The following SNF8 variants were observed in gnomAD, a reference collection of about 807,000 sequenced individuals.
The protein encoded by SNF8 is SNF8 subunit of ESCRT-II.
A neutral mutation model predicts 36.8 loss-of-function variants in SNF8; 19 were observed. That is an observed-to-expected ratio of 0.52 (90% CI 0.36 to 0.76). SNF8 has a LOEUF of 0.76. SNF8 is among the 30% of genes least tolerant of loss of function. The probability of loss-of-function intolerance (pLI) is 0.00; values close to 1 mark genes in which losing one functional copy is unlikely to be tolerated. For synonymous variants in SNF8, 127 were observed against 127.4 expected (o/e 1.00, Z 0.02); for missense variants, 268 against 322.9 (o/e 0.83, Z 1.30).
intron 2 of SNF8, among the ~76,000 whole-genome samples, chr17:48,941,985 A>G (rs898565991): frequency 6.6e-6 from 1 of 151,922 alleles, no homozygotes; most frequent in East Asian, 1.9e-4. Flanking sequence ...GCCACCGCAC[A>G]GGGCCAATCA....
intron 3 of SNF8, 56 bp downstream of exon 3, chr17:48,940,868 C>A: frequency 6.3e-7 from 1 of 1,582,960 alleles, no homozygotes. Context: ...ACTATGTGAG[C>A]TTCTGTTCCT....
At chr17:48,937,746 T>C (rs1403277691) in intron 3 of SNF8, among the ~76,000 whole-genome samples, 1 of 151,014 alleles carries the variant, frequency 6.6e-6, no homozygotes. Flanking sequence ...GCCAATACAG[T>C]GAAACCCTGT....
intron 7 of SNF8, 60 bp from the exon 8 acceptor site, chr17:48,930,672 A>G: frequency 6.5e-7 from 1 of 1,547,002 alleles, no homozygotes; most frequent in Non-Finnish European, 8.8e-7. Context: ...GACAAAGGGT[A>G]GGTAAGCAAC....
At position 48,940,994 on chromosome 17, in the gene SNF8, G is replaced by A. The variant is rs753204401; in HGVS notation, c.174C>T (p.Ile58=). The A allele has an allele frequency of 4.3e-6, 7 of 1,613,604 alleles. No homozygotes were observed. The highest frequency in any genetic ancestry group is 5.9e-6 in the Non-Finnish European group (7 of 1,180,018). ...EEFASKHKQE[I]RKNPEFRVQF... is the part of the protein sequence containing the mutation. Reference sequence around the variant, plus strand: ...GCACACGGAACTCAGGATTCTTCCGGATCTCCTGCTTGTGTTTGCTGGCAA... The same window carrying A: ...GCACACGGAACTCAGGATTCTTCCGAATCTCCTGCTTGTGTTTGCTGGCAA... Residue 58 remains isoleucine, a synonymous_variant, in exon 3 of 8, where the codon ATC becomes ATT. Coordinates refer to ENST00000502492, the MANE Select transcript of SNF8 (RefSeq NM_007241.4).
chr17:48,944,155 A>T lies in SNF8; in HGVS notation c.55-180T>A, dbSNP rs2041070689. 5 of 539,742 alleles carry T rather than the reference A, an allele frequency of 9.3e-6. No individual in the cohort carries two copies. The East Asian group carries it at 1.8e-4, about 19-fold the overall frequency. 33.4% of individuals were successfully genotyped at this position (539,742 alleles called of 1,614,324 possible). A position where few individuals can be genotyped will look rare whatever the true frequency, so the allele number is the denominator to read the frequency against. ...GTCTCTACTAAAAATACAAAAAAAT[A>T]GCCGGACGTGGTGGTGGGCGCCTGT... On this transcript the variant is annotated intron_variant, in intron 1 of 7. Coordinates refer to ENST00000502492, the MANE Select transcript of SNF8 (RefSeq NM_007241.4).
intron 3 of SNF8, among the ~76,000 whole-genome samples, chr17:48,939,276 A>AAC (rs1259104909): frequency 6.6e-6 from 1 of 150,986 alleles, no homozygotes; most frequent in African/African-American, 2.4e-5. Flanking sequence ...AGAAAAAAAA[A>AAC]AAAAAAAACA....
chr17:48,944,180 T>C, intron 1 of SNF8: 1 of 501,758 alleles, frequency 2.0e-6, no homozygotes, highest in South Asian at 2.0e-5. Context: ...TGGGCGCCTG[T>C]AGTCCCAGCT....
chr17:48,937,065 C>T lies in SNF8; in HGVS notation c.304G>A (p.Val102Ile), dbSNP rs200399045. 1.7e-4 allele frequency: 273 copies of T among 1,614,178 alleles called. 1 individual carries two copies. Among genetic ancestry groups the T allele is most frequent in the Non-Finnish European group, 2.2e-4 (265 of 1,180,028 alleles). Residue 102 changes from valine (V) to isoleucine (I), a missense_variant, in exon 4 of 8, where the codon GTC (valine) becomes ATC (isoleucine). By Grantham distance (29) the Val-to-Ile change is conservative (BLOSUM62 3). Transcript: ENST00000502492. Reference protein sequence around the residue: ...GVGDFYYELGVQIIEVCLALK... With the variant: ...GVGDFYYELGIQIIEVCLALK... Reference sequence around the variant, plus strand: ...GCCAGGCACACTTCGATAATTTGGACACCTAGTTCGTAATAGAAGTCCCCC... The same window carrying T: ...GCCAGGCACACTTCGATAATTTGGATACCTAGTTCGTAATAGAAGTCCCCC...
intron 6 of SNF8, 21 bp downstream of exon 6, chr17:48,933,184 C>T (rs1477725912): frequency 1.2e-6 from 2 of 1,611,582 alleles, no homozygotes; most frequent in Non-Finnish European, 1.7e-6. Context: ...CACACACACA[C>T]ACTCGAAGGT....
At position 48,937,919 on chromosome 17, in the gene SNF8, C is replaced by T. The variant is rs180897452; in HGVS notation, c.245-795G>A. Among the ~76,000 whole-genome samples, 8 of 144,674 alleles carry T rather than the reference C, an allele frequency of 5.5e-5. No individual in the cohort carries two copies. The East Asian group carries it at 6.1e-4, about 11-fold the overall frequency. 94.9% of individuals were successfully genotyped at this position (144,674 alleles called of 152,430 possible). A position where few individuals can be genotyped will look rare whatever the true frequency, so the allele number is the denominator to read the frequency against. On this transcript the variant is annotated intron_variant, in intron 3 of 7. Transcript: ENST00000502492. ...CCAGCCTGGCAACAGAGTGAGACTC[C>T]GTTTCAAAAAAAATAAATAAATAAA...
chr17:48,937,888 T>C (rs972197150), intron 3 of SNF8, among the ~76,000 whole-genome samples: 1 of 151,402 alleles, frequency 6.6e-6, no homozygotes, highest in African/African-American at 2.4e-5. Flanking sequence ...ATTACGCCAC[T>C]GCACTCCAGC....
At position 48,936,232 on chromosome 17, in the gene SNF8, A is replaced by G. The variant is rs759903527; in HGVS notation, c.360T>C (p.Thr120=). Residue 120 remains threonine, a synonymous_variant, in exon 5 of 8, where the codon ACT becomes ACC. Coordinates refer to ENST00000502492, the MANE Select transcript of SNF8 (RefSeq NM_007241.4). ...ALKHRNGGLI[T]LEELHQQVLK... The stretch of plus-strand genomic sequence containing the variant: ...ACACCTGTTGATGTAGTTCCTCCAA[A>G]GTTATCAGACCTGTTTGGAGACAGG... The G allele has an allele frequency of 6.2e-7, 1 of 1,613,862 alleles. No individual in the cohort carries two copies.
At position 48,944,705 on chromosome 17, in the gene SNF8, G is replaced by T; in HGVS notation, c.30C>A (p.Ala10=). The T allele has an allele frequency of 1.9e-6, 3 of 1,612,170 alleles. No individual in the cohort carries two copies. In the African/African-American group the frequency reaches 4.0e-5, roughly 22 times the overall value. ...CCTCTGCAAGTTTCTTCTTGGCGAT[G>T]GCGCCAGCTCCCACCCCGCGGCGGT... is the stretch of plus-strand genomic sequence containing the variant. The part of the protein sequence containing the change: MHRRGVGAG[A]IAKKKLAEAK... The change falls in exon 1 of 8, where the codon GCC becomes GCA. Residue 10 remains alanine (A), a synonymous_variant. Transcript: ENST00000502492.
chr17:48,933,607 G>A, intron 5 of SNF8: 1 of 407,436 alleles, frequency 2.5e-6, no homozygotes, highest in Non-Finnish European at 4.5e-6. Flanking sequence ...AGGGCATGGT[G>A]GCAATCGCCT....
chr17:48,940,510 G>T (rs2041003824), intron 3 of SNF8, among the ~76,000 whole-genome samples: 1 of 151,912 alleles, frequency 6.6e-6, no homozygotes, highest in Non-Finnish European at 1.5e-5. Context: ...GACACCCTTG[G>T]CCAGGCGCAG....
intron 3 of SNF8, among the ~76,000 whole-genome samples, chr17:48,939,717 C>T (rs1345842566): frequency 1.3e-5 from 2 of 151,960 alleles, no homozygotes; most frequent in Non-Finnish European, 2.9e-5. Flanking sequence ...CTCAGCCTCA[C>T]AAAGTGCTGG....
At chr17:48,937,875 G>A (rs988041669) in intron 3 of SNF8, among the ~76,000 whole-genome samples, 5 of 151,684 alleles carry the variant, frequency 3.3e-5, no homozygotes, top group Non-Finnish European at 5.9e-5. Context: ...GCAGTGAGCC[G>A]GGATTACGCC....
chr17:48,931,966 C>A (rs930735483), intron 6 of SNF8: 9 of 318,652 alleles, frequency 2.8e-5, no homozygotes, highest in Non-Finnish European at 4.6e-5. Context: ...GCCTGTAATC[C>A]TAGCACTTTT....
chr17:48,937,203 C>T, intron 3 of SNF8, 79 bp from the exon 4 acceptor site: 1 of 1,088,962 alleles, frequency 9.2e-7, no homozygotes, highest in Non-Finnish European at 1.4e-6. Context: ...ATTAAAACAT[C>T]TATCATATGG....
Sources: allele counts gnomAD v4.1 joint callset (sites outside exome capture counted in the v4.1 genomes callset), GRCh38; gene constraint gnomAD v4.1.1; transcripts MANE v1.5; gene names NCBI Gene and HGNC (gene_info 2026-07-23, HGNC 2026-07-21).